The following SASH1 variants were observed in gnomAD, a reference collection of about 807,000 sequenced individuals.
The protein encoded by SASH1 is SAM and SH3 domain-containing protein 1.
In SASH1, 44 loss-of-function variants were observed where a neutral mutation model predicts 125.2. The ratio of observed to expected loss-of-function variants is 0.35; its 90% CI spans 0.28 to 0.45. SASH1 has a LOEUF of 0.45. Among genes scored for constraint, SASH1 ranks in the 20% least tolerant of loss-of-function variants. The pLI is 1.00. For synonymous variants in SASH1, 639 were observed against 649.1 expected (o/e 0.98, Z 0.24); for missense variants, 1,426 against 1,614.5 (o/e 0.88, Z 2.00).
At chr6:148,228,756 G>A in the SASH1 span, among the ~76,000 whole-genome samples, 1 of 152,082 alleles carries the variant, frequency 6.6e-6, no homozygotes, top group Non-Finnish European at 1.5e-5. Context: ...TGTTTTTATG[G>A]AGAAAGACAG....
chr6:148,382,320 C>T (rs561241656), intron 1 of SASH1, among the ~76,000 whole-genome samples: 11 of 152,170 alleles, frequency 7.2e-5, no homozygotes, highest in Admixed American at 3.3e-4. Flanking sequence ...GTGACGGTCT[C>T]GCTCTGTCAC....
At position 148,544,582 on chromosome 6, in the gene SASH1, G is replaced by A. The variant is rs751445904; in HGVS notation, c.3112G>A (p.Ala1038Thr). The change falls in exon 18 of 20, where the codon GCA (alanine) becomes ACA (threonine). Residue 1038 changes from alanine (A) to threonine (T), a missense_variant. By Grantham distance (58) the Ala-to-Thr change is moderately conservative. Transcript: ENST00000367467. This position sits in a 1 kb window ranked among gnomAD's most constrained non-coding sequence, Gnocchi z 6.4. ...SPTSPSDCPPALAPRPLSGQA... is the reference protein window; with the variant it reads ...SPTSPSDCPPTLAPRPLSGQA... ...CACCAGCCCTAGCGACTGTCCCCCA[G>A]CACTGGCTCCCAGGCCTCTCTCAGG... The A allele has an allele frequency of 5.6e-6, 9 of 1,613,126 alleles. No individual in the cohort carries two copies. The highest frequency in any genetic ancestry group is 1.6e-4 in the Middle Eastern group (1 of 6,084).
the SASH1 span, among the ~76,000 whole-genome samples, chr6:148,263,701 T>A: frequency 1.1e-5 from 1 of 89,746 alleles, no homozygotes. Flanking sequence ...TGCATTGAAC[T>A]GGAACCTGAA....
At chr6:148,405,803 C>G (rs1484432681) in intron 2 of SASH1, among the ~76,000 whole-genome samples, 2 of 152,198 alleles carry the variant, frequency 1.3e-5, no homozygotes, top group Non-Finnish European at 2.9e-5. Flanking sequence ...CTTGTTATGC[C>G]TGGTGGATAA....
intron 1 of SASH1, among the ~76,000 whole-genome samples, chr6:148,296,377 C>T (rs1779765374): frequency 6.6e-6 from 1 of 152,120 alleles, no homozygotes; most frequent in Non-Finnish European, 1.5e-5. Context: ...CCACCTGCCT[C>T]GACCTCCCAA....
chr6:148,253,649 G>A, the SASH1 span, among the ~76,000 whole-genome samples: 1 of 152,102 alleles, frequency 6.6e-6, no homozygotes, highest in Non-Finnish European at 1.5e-5. Context: ...AAGGAGGGTG[G>A]ATCACAAGAT....
intron 8 of SASH1, among the ~76,000 whole-genome samples, chr6:148,509,976 A>G (rs1780023447): frequency 6.6e-6 from 1 of 152,248 alleles, no homozygotes; most frequent in African/African-American, 2.4e-5. Context: ...GACGGGCCCC[A>G]TAGGTTCCTC....
At chr6:148,382,019 G>C (rs192705840) in intron 1 of SASH1, among the ~76,000 whole-genome samples, 7 of 152,324 alleles carry the variant, frequency 4.6e-5, no homozygotes, top group African/African-American at 1.7e-4. Flanking sequence ...CAAAGACTCT[G>C]TGGGGGATTG....
At chr6:148,199,156 C>T in the SASH1 span, among the ~76,000 whole-genome samples, 4 of 152,218 alleles carry the variant, frequency 2.6e-5, no homozygotes, top group East Asian at 1.9e-4. Context: ...CCAAGGCAGG[C>T]GGATCACCTG....
At chr6:148,266,613 T>C in the SASH1 span, among the ~76,000 whole-genome samples, 1 of 152,182 alleles carries the variant, frequency 6.6e-6, no homozygotes, top group Non-Finnish European at 1.5e-5. Flanking sequence ...GCTTTTCTTT[T>C]CTTTTTGGAC....
intron 1 of SASH1, among the ~76,000 whole-genome samples, chr6:148,370,514 A>G (rs979685889): frequency 6.6e-6 from 1 of 152,012 alleles, no homozygotes; most frequent in East Asian, 1.9e-4. Context: ...TTGGAGTCTC[A>G]TGCTTTTTCA....
chr6:148,331,969 C>T (rs1330124589), intron 1 of SASH1, among the ~76,000 whole-genome samples: 1 of 152,136 alleles, frequency 6.6e-6, no homozygotes, highest in African/African-American at 2.4e-5. Context: ...CAGGTGTGTT[C>T]CCCCCTGCCC....
chr6:148,462,312 T>C (rs1014545289), intron 4 of SASH1, among the ~76,000 whole-genome samples: 5 of 151,996 alleles, frequency 3.3e-5, no homozygotes, highest in African/African-American at 4.8e-5. Flanking sequence ...TTTTTTTTTT[T>C]TCTTGGTTAT....
intron 4 of SASH1, among the ~76,000 whole-genome samples, chr6:148,443,946 G>A (rs2115015493): frequency 6.6e-6 from 1 of 152,340 alleles, no homozygotes; most frequent in Middle Eastern, 3.4e-3. Flanking sequence ...GTCTGCAAAA[G>A]TCTCTGCCAA....
intron 1 of SASH1, among the ~76,000 whole-genome samples, chr6:148,366,393 A>G (rs1322534725): frequency 3.9e-5 from 6 of 152,192 alleles, no homozygotes; most frequent in South Asian, 2.1e-4. Flanking sequence ...ACAAGAAAAT[A>G]TTGGATACTT....
chr6:148,527,548 G>A lies in SASH1; in HGVS notation c.1380G>A (p.Thr460=), dbSNP rs760867411. 1.5e-5 allele frequency: 24 copies of A among 1,610,670 alleles called. No individual in the cohort carries two copies. The South Asian group carries it at 1.6e-4, about 10-fold the overall frequency. ...LGKKVKSVKE[T]MRKRMSKKYS... is the part of the protein sequence containing the mutation. ...AAAAGGTGAAATCAGTGAAAGAGAC[G>A]ATGAGAAAGAGAATGTCTAAAAAAT... Residue 460 remains threonine, a synonymous_variant, in exon 12 of 20, where the codon ACG becomes ACA. Transcript: ENST00000367467.
At chr6:148,410,776 T>G (rs1173610645) in intron 2 of SASH1, among the ~76,000 whole-genome samples, 1 of 152,178 alleles carries the variant, frequency 6.6e-6, no homozygotes, top group Non-Finnish European at 1.5e-5. Flanking sequence ...GGGTTAGTTG[T>G]AAGGAGGACC....
chr6:148,338,987 G>A (rs965848423), upstream of SASH1, among the ~76,000 whole-genome samples: 10 of 134,604 alleles, frequency 7.4e-5, no homozygotes, highest in Non-Finnish European at 1.5e-4. Context: ...CCTGGGCAAT[G>A]AGCGAGACTC....
chr6:148,421,126 AAAGGAAGG>A lies in SASH1; in HGVS notation c.286-19042_286-19035del, dbSNP rs148595857. 1.1e-3 allele frequency among the ~76,000 whole-genome samples: 92 copies of A among 82,348 alleles called. 2 individuals are homozygous for A. The highest frequency in any genetic ancestry group is 2.9e-3 in the African/African-American group (60 of 20,780). 54.0% of individuals were successfully genotyped at this position (82,348 alleles called of 152,430 possible). On this transcript the variant is annotated intron_variant, in intron 2 of 19. Coordinates refer to ENST00000367467, the MANE Select transcript of SASH1 (RefSeq NM_015278.5). ...AGAAAAGAAAGGAAAAGAAAGGAAG[AAAGGAAGG>A]AAGGAAGGAAGGAAGAAAGAAAGAA... is the stretch of plus-strand genomic sequence containing the variant.
Sources: gnomAD v4.1 joint callset for allele counts (sites outside exome capture counted in the v4.1 genomes callset) on GRCh38, gnomAD v4.1.1 for gene constraint, Gnocchi (gnomAD v3.1) non-coding constraint, MANE v1.5 for transcripts, NCBI Gene and HGNC (gene_info 2026-07-23, HGNC 2026-07-21) for gene names.